Variants in AGBL4 observed in about 807,000 individuals in gnomAD.
The protein encoded by AGBL4 is AGBL carboxypeptidase 4, also known as cytosolic carboxypeptidase 6.
In AGBL4, 58 loss-of-function variants were observed where a neutral mutation model predicts 66.4. That is an observed-to-expected ratio of 0.87 (90% CI 0.71 to 1.09). The LOEUF is 1.09. Among genes scored for constraint, AGBL4 ranks in the 50% least tolerant of loss-of-function variants. The pLI is 0.00. For synonymous variants in AGBL4, 234 were observed against 222.9 expected (o/e 1.05, Z -0.44); for missense variants, 579 against 631.0 (o/e 0.92, Z 0.88).
chr1:48,834,954 C>T (rs144932221), intron 6 of AGBL4, among the ~76,000 whole-genome samples: 1 of 152,068 alleles, frequency 6.6e-6, no homozygotes, highest in East Asian at 1.9e-4. Flanking sequence ...TCTTTACCAG[C>T]CTTGTGATTT....
chr1:49,562,065 T>C (rs1348222460), intron 3 of AGBL4, among the ~76,000 whole-genome samples: 2 of 152,220 alleles, frequency 1.3e-5, no homozygotes, highest in Admixed American at 6.6e-5. Flanking sequence ...CCAGTGATGA[T>C]GAGCATTTTT....
intron 6 of AGBL4, among the ~76,000 whole-genome samples, chr1:48,724,077 G>A (rs1256743114): frequency 6.6e-6 from 1 of 152,178 alleles, no homozygotes; most frequent in Non-Finnish European, 1.5e-5. Flanking sequence ...CACTGCATAC[G>A]GGGTCAGCAG....
Position 49,851,495 on chromosome 1 carries a change from C to T in AGBL4, c.58G>A (p.Ala20Thr), listed in dbSNP as rs1646305059. The T allele has an allele frequency of 1.3e-6, 2 of 1,549,564 alleles. No individual in the cohort carries two copies. The highest frequency in any genetic ancestry group is 1.7e-6 in the Non-Finnish European group (2 of 1,145,806). The change falls in exon 2 of 14, where the codon GCC (alanine) becomes ACC (threonine). Residue 20 changes from alanine to threonine, a missense_variant. Physicochemically the swap from Ala to Thr is moderately conservative, Grantham distance 58. Transcript: ENST00000371839. ...TATTTGCTCACATTCCCTCCAATGG[C>T]ATCATCATTTCCCATATCATTGCCT... is the stretch of plus-strand genomic sequence containing the variant. Reference protein sequence around the residue: ...EAGNDMGNDDAIGGNVSKYIV... With the variant: ...EAGNDMGNDDTIGGNVSKYIV...
intron 3 of AGBL4, among the ~76,000 whole-genome samples, chr1:49,665,628 A>C (rs1646349555): frequency 6.6e-6 from 1 of 152,154 alleles, no homozygotes; most frequent in Non-Finnish European, 1.5e-5. Context: ...GACCAAGAAA[A>C]TCTGTCTCCA....
At chr1:49,875,905 CA>C (rs1646988779) in intron 1 of AGBL4, among the ~76,000 whole-genome samples, 1 of 149,564 alleles carries the variant, frequency 6.7e-6, no homozygotes, top group African/African-American at 2.5e-5. Flanking sequence ...CTCTGATGGC[CA>C]GTGATGATGA....
chr1:48,534,095 G>A lies in AGBL4; in HGVS notation c.*78C>T. 6.5e-7 allele frequency: 1 copy of A among 1,544,404 alleles called. No homozygotes were observed. The highest frequency in any genetic ancestry group is 8.8e-7 in the Non-Finnish European group (1 of 1,140,876). On this transcript the variant is annotated 3_prime_UTR_variant, in exon 14 of 14. Transcript: ENST00000371839. ...TTAATCCACAAATCCTTGGAAGCTA[G>A]AGAAGAGTGATTAATTTCATTCCCC...
intron 4 of AGBL4, among the ~76,000 whole-genome samples, chr1:49,210,175 C>T (rs933984360): frequency 2.6e-5 from 4 of 152,022 alleles, no homozygotes; most frequent in African/African-American, 9.7e-5. Flanking sequence ...TTATTATTTT[C>T]AGGCCCCATT....
intron 1 of AGBL4, among the ~76,000 whole-genome samples, chr1:49,897,689 C>A (rs1420725300): frequency 6.6e-6 from 1 of 151,994 alleles, no homozygotes; most frequent in Non-Finnish European, 1.5e-5. Flanking sequence ...AATCACATTA[C>A]CTGACTTCAA....
chr1:49,743,175 G>A (rs1189054024), intron 2 of AGBL4, among the ~76,000 whole-genome samples: 1 of 152,026 alleles, frequency 6.6e-6, no homozygotes, highest in Non-Finnish European at 1.5e-5. Context: ...CTAACATCCG[G>A]AATCTACAAT....
At chr1:49,248,846 T>G (rs1289690690) in intron 3 of AGBL4, among the ~76,000 whole-genome samples, 8 of 152,186 alleles carry the variant, frequency 5.3e-5, no homozygotes, top group Non-Finnish European at 1.0e-4. Flanking sequence ...TTTCTTTTTA[T>G]TTTTTCTTTA....
intron 5 of AGBL4, among the ~76,000 whole-genome samples, chr1:48,976,753 C>T (rs529399059): frequency 1.2e-4 from 19 of 152,152 alleles, no homozygotes; most frequent in Admixed American, 6.6e-4. Flanking sequence ...GAATGCTCTT[C>T]CCCTAGAGAA....
intron 3 of AGBL4, among the ~76,000 whole-genome samples, chr1:49,547,993 C>G (rs574933947): frequency 6.6e-6 from 1 of 152,138 alleles, no homozygotes; most frequent in East Asian, 1.9e-4. Context: ...AGGCTGGTCT[C>G]GAACTCCTGA....
intron 3 of AGBL4, among the ~76,000 whole-genome samples, chr1:49,298,954 C>T (rs1406113475): frequency 1.3e-5 from 2 of 152,156 alleles, no homozygotes; most frequent in African/African-American, 4.8e-5. Flanking sequence ...CTTTTGCCCA[C>T]ACCCTTCCCT....
chr1:49,018,565 C>G (rs998288265), intron 5 of AGBL4, among the ~76,000 whole-genome samples: 1 of 152,162 alleles, frequency 6.6e-6, no homozygotes, highest in Non-Finnish European at 1.5e-5. Flanking sequence ...ATGACAAAAT[C>G]CCCTTAGAAA....
chr1:49,447,118 T>C (rs1249664001), intron 3 of AGBL4, among the ~76,000 whole-genome samples: 1 of 152,154 alleles, frequency 6.6e-6, no homozygotes, highest in Non-Finnish European at 1.5e-5. Context: ...TCTCCATGCA[T>C]GAGCCTGAGC....
chr1:49,294,854 C>A (rs1368663285), intron 3 of AGBL4, among the ~76,000 whole-genome samples: 1 of 152,156 alleles, frequency 6.6e-6, no homozygotes, highest in African/African-American at 2.4e-5. Flanking sequence ...GCAACCTGTG[C>A]ATTCTATCAC....
intron 3 of AGBL4, among the ~76,000 whole-genome samples, chr1:49,263,776 C>T (rs1056302710): frequency 7.9e-5 from 12 of 152,172 alleles, no homozygotes; most frequent in African/African-American, 2.7e-4. Flanking sequence ...AGCAATTCCA[C>T]TTCTATGTGT....
chr1:48,534,818 G>T, intron 13 of AGBL4, 72 bp downstream of exon 13: 1 of 1,442,238 alleles, frequency 6.9e-7, no homozygotes, highest in Non-Finnish European at 9.5e-7. Context: ...GCCAGAATAG[G>T]TGAGATACAG....
intron 4 of AGBL4, among the ~76,000 whole-genome samples, chr1:49,208,226 A>G (rs1178281911): frequency 1.3e-5 from 2 of 152,090 alleles, no homozygotes; most frequent in Non-Finnish European, 2.9e-5. Context: ...TGGTAGAGTC[A>G]GTTTAGAAAA....
Sources: gnomAD v4.1 joint callset for allele counts (sites outside exome capture counted in the v4.1 genomes callset) on GRCh38, gnomAD v4.1.1 for gene constraint, MANE v1.5 for transcripts, NCBI Gene and HGNC (gene_info 2026-07-23, HGNC 2026-07-21) for gene names.